Variants in RERE observed in about 807,000 individuals in gnomAD.
RERE encodes arginine-glutamic acid dipeptide repeats.
Under a neutral mutation model 146.1 loss-of-function variants are expected in RERE, and 40 were observed. That is an observed-to-expected ratio of 0.27 (90% confidence interval 0.21 to 0.36). The LOEUF is 0.36. RERE is among the 10% of genes least tolerant of loss of function. The pLI, the probability that RERE is intolerant of heterozygous loss-of-function variation, is 1.00. For missense variants in RERE, 1,933 were observed against 2,138.7 expected (o/e 0.90, Z 1.90); for synonymous variants, 1,003 against 866.0 (o/e 1.16, Z -2.78).
chr1:8,694,973 AGG>A (rs57215572), intron 1 of RERE, among the ~76,000 whole-genome samples: 515 of 33,178 alleles, frequency 0.016, 50 homozygotes, highest in African/African-American at 0.063. Flanking sequence ...AGAAATCCTA[AGG>A]GGGGGGGGGG....
rs548965340 is a variant in RERE, at chr1:8,435,976, A to C, written c.1204-13169T>G. 3.3e-5 allele frequency among the ~76,000 whole-genome samples: 5 copies of C among 152,376 alleles called. No homozygotes were observed. The East Asian group carries it at 9.6e-4, about 29-fold the overall frequency. On this transcript the variant is annotated intron_variant, in intron 11 of 22. Transcript: ENST00000400908. The stretch of plus-strand genomic sequence containing the variant: ...CATTAACAGATGTAGAGATTGTGCC[A>C]GCCAAATGCCTCTTGCCAATTATGG...
intron 10 of RERE, among the ~76,000 whole-genome samples, chr1:8,476,937 A>C (rs1358701407): frequency 6.6e-6 from 1 of 152,228 alleles, no homozygotes; most frequent in Non-Finnish European, 1.5e-5. Flanking sequence ...TAATAATGTT[A>C]ATACATTAAT....
At chr1:8,713,182 A>G (rs1569611734) in intron 1 of RERE, among the ~76,000 whole-genome samples, 3 of 152,180 alleles carry the variant, frequency 2.0e-5, no homozygotes, top group African/African-American at 7.2e-5. Flanking sequence ...CTAAGGAAAA[A>G]CCATAGTAAC....
intron 3 of RERE, among the ~76,000 whole-genome samples, chr1:8,622,502 A>AC (rs769515935): frequency 4.1e-4 from 56 of 137,422 alleles, no homozygotes; most frequent in South Asian, 2.3e-3. Flanking sequence ...AAAAAAAAAA[A>AC]AAAAAAAAAC....
At chr1:8,652,930 CT>C (rs1647702397) in intron 2 of RERE, among the ~76,000 whole-genome samples, 1 of 152,176 alleles carries the variant, frequency 6.6e-6, no homozygotes, top group Admixed American at 6.5e-5. Context: ...ACCTCCTGTG[CT>C]CAAGAGATCC....
intron 8 of RERE, among the ~76,000 whole-genome samples, chr1:8,498,732 TACACACACACACACAC>T (rs1553175300): frequency 3.7e-5 from 4 of 107,836 alleles, no homozygotes; most frequent in Non-Finnish European, 5.3e-5. Context: ...AATAAATATA[TACACACACACACACAC>T]ACACACACAC....
intron 1 of RERE, among the ~76,000 whole-genome samples, chr1:8,743,731 T>C (rs1269768937): frequency 6.6e-6 from 1 of 152,122 alleles, no homozygotes; most frequent in Non-Finnish European, 1.5e-5. Context: ...TTTCCTTTAC[T>C]TCTACAGGGC....
In RERE at chr1:8,498,732, T is replaced by TATATACACACAC. The variant is rs150497092; in HGVS notation, c.880-1204_880-1203insGTGTGTGTATAT. On this transcript the variant is annotated intron_variant, in intron 8 of 22. Transcript: ENST00000400908. ...AAATAAAAAAAAAAAAATAAATATA[T>TATATACACACAC]ACACACACACACACACACACACACA... Among the ~76,000 whole-genome samples the TATATACACACAC allele has an allele frequency of 5.8e-4, 63 of 107,830 alleles. 2 individuals are homozygous for TATATACACACAC. Among genetic ancestry groups the TATATACACACAC allele is most frequent in the Middle Eastern group, 5.4e-3 (1 of 184 alleles). The allele number at this position is 107,830 out of a possible 152,430, so 70.7% of individuals were successfully genotyped here.
chr1:8,522,902 C>A (rs967093936), intron 7 of RERE, among the ~76,000 whole-genome samples: 1 of 151,164 alleles, frequency 6.6e-6, no homozygotes, highest in Non-Finnish European at 1.5e-5. Flanking sequence ...AAGTGTCAGG[C>A]CAGGCACGCT....
At chr1:8,370,079 C>G (rs1019367344) in intron 12 of RERE, among the ~76,000 whole-genome samples, 1 of 152,006 alleles carries the variant, frequency 6.6e-6, no homozygotes, top group African/African-American at 2.4e-5. Flanking sequence ...TGTGAGCCAC[C>G]GTGCCCAGCC....
At chr1:8,666,391 G>A (rs1311519710) in intron 1 of RERE, among the ~76,000 whole-genome samples, 3 of 152,210 alleles carry the variant, frequency 2.0e-5, no homozygotes, top group East Asian at 1.9e-4. Context: ...GACAGTCCAC[G>A]TGTGGAAGAC....
Position 8,662,466 on chromosome 1 carries a change from G to T in RERE, c.-144-6025C>A, listed in dbSNP as rs2124350482. ...AAAGTGGAGAAATCATTTGAGGCAA[G>T]GAGGCAATCATTTGAGACCAACCTG... On this transcript the variant is annotated intron_variant, in intron 1 of 22. Transcript: ENST00000400908. Among the ~76,000 whole-genome samples the T allele has an allele frequency of 1.3e-5, 2 of 152,326 alleles. 1 individual carries two copies. The highest frequency in any genetic ancestry group is 4.1e-4 in the South Asian group (2 of 4,822).
At chr1:8,484,351 G>T (rs1644871312) in intron 10 of RERE, among the ~76,000 whole-genome samples, 1 of 151,842 alleles carries the variant, frequency 6.6e-6, no homozygotes. Context: ...TTCCACACAA[G>T]ATCTTTCTGG....
At chr1:8,698,606 TA>T (rs1453042209) in intron 1 of RERE, among the ~76,000 whole-genome samples, 1 of 152,230 alleles carries the variant, frequency 6.6e-6, no homozygotes, top group Non-Finnish European at 1.5e-5. Context: ...GAAACAAATC[TA>T]ATTGTTCAGC....
intron 1 of RERE, among the ~76,000 whole-genome samples, chr1:8,811,066 T>A (rs1641797943): frequency 6.6e-6 from 1 of 152,208 alleles, no homozygotes; most frequent in African/African-American, 2.4e-5. Context: ...GCTATCAAAA[T>A]CAACAATAGC....
At chr1:8,358,108 G>GT in intron 20 of RERE, 88 bp downstream of exon 20, 16 of 1,513,972 alleles carry the variant, frequency 1.1e-5, no homozygotes, top group Non-Finnish European at 1.4e-5. Flanking sequence ...GAAAAGAACA[G>GT]TTTCCGCTCC....
intron 4 of RERE, among the ~76,000 whole-genome samples, chr1:8,609,633 C>A (rs886853183): frequency 2.6e-5 from 4 of 152,350 alleles, no homozygotes; most frequent in African/African-American, 9.6e-5. Context: ...CTCTAAACTT[C>A]TGCACCACTA....
chr1:8,495,580 G>A (rs1052718764), intron 9 of RERE, among the ~76,000 whole-genome samples: 1 of 152,186 alleles, frequency 6.6e-6, no homozygotes, highest in Non-Finnish European at 1.5e-5. Context: ...CTAAAGTGCT[G>A]GGATTACAGG....
At chr1:8,650,664 C>T (rs1057257429) in intron 2 of RERE, among the ~76,000 whole-genome samples, 2 of 151,828 alleles carry the variant, frequency 1.3e-5, no homozygotes, top group Non-Finnish European at 2.9e-5. Context: ...TTTAGGAGGC[C>T]GGGGCGGGCA....
Sources: allele counts gnomAD v4.1 joint callset (sites outside exome capture counted in the v4.1 genomes callset), GRCh38; gene constraint gnomAD v4.1.1; transcripts MANE v1.5; gene names NCBI Gene and HGNC (gene_info 2026-07-23, HGNC 2026-07-21).